Variants in ATP10B observed in about 807,000 individuals in gnomAD.
The protein encoded by ATP10B is phospholipid-transporting ATPase VB.
Under a neutral mutation model 141.2 loss-of-function variants are expected in ATP10B, and 122 were observed. The ratio of observed to expected loss-of-function variants is 0.86; its 90% CI spans 0.75 to 1.00. The LOEUF (loss-of-function observed/expected upper bound fraction) is 1.00. Ranked by LOEUF, ATP10B falls within the 50% of genes least tolerant of loss-of-function variation. The probability of loss-of-function intolerance (pLI) is 0.00; values close to 1 mark genes in which losing one functional copy is unlikely to be tolerated. For missense variants in ATP10B, 1,876 were observed against 1,825.3 expected, an observed-to-expected ratio of 1.03 and a Z score of -0.51; for synonymous variants, 685 against 692.0, an observed-to-expected ratio of 0.99 and a Z score of 0.16.
chr5:160,727,110 G>C (rs1396058246), intron 2 of ATP10B, among the ~76,000 whole-genome samples: 2 of 152,200 alleles, frequency 1.3e-5, no homozygotes, highest in African/African-American at 4.8e-5. Context: ...CTGTGTCACG[G>C]ATGGGTCCTC....
chr5:160,629,329 T>C (rs1286826191), intron 13 of ATP10B, among the ~76,000 whole-genome samples: 1 of 151,758 alleles, frequency 6.6e-6, no homozygotes, highest in Non-Finnish European at 1.5e-5. Context: ...AGCACAAGAG[T>C]CCTTAAAGGC....
chr5:160,726,339 A>C (rs944554929), intron 2 of ATP10B, among the ~76,000 whole-genome samples: 17 of 152,208 alleles, frequency 1.1e-4, no homozygotes, highest in African/African-American at 4.1e-4. Context: ...AAGGTGAAAC[A>C]GGCCCAGGCA....
intron 18 of ATP10B, among the ~76,000 whole-genome samples, chr5:160,608,097 G>A (rs2127633227): frequency 6.6e-6 from 1 of 150,942 alleles, no homozygotes; most frequent in East Asian, 2.0e-4. Context: ...CCCCACGACA[G>A]GCCCCGGTGT....
chr5:160,923,668 A>C, the ATP10B span, among the ~76,000 whole-genome samples: 1 of 152,202 alleles, frequency 6.6e-6, no homozygotes, highest in African/African-American at 2.4e-5. Flanking sequence ...AGCTTGCATA[A>C]ATACCACTTA....
the ATP10B span, among the ~76,000 whole-genome samples, chr5:160,865,497 T>C: frequency 6.6e-6 from 1 of 152,116 alleles, no homozygotes; most frequent in Non-Finnish European, 1.5e-5. Flanking sequence ...GAAAATCTCT[T>C]CTAGACATTG....
At chr5:160,701,473 A>G (rs1412653466) in intron 3 of ATP10B, among the ~76,000 whole-genome samples, 5 of 152,184 alleles carry the variant, frequency 3.3e-5, no homozygotes, top group African/African-American at 1.2e-4. Context: ...TGTGTGCTCC[A>G]CAGTACTCTT....
chr5:160,622,372 C>G (rs766010019), intron 14 of ATP10B, 22 bp downstream of exon 14: 1 of 1,595,526 alleles, frequency 6.3e-7, no homozygotes, highest in East Asian at 2.3e-5. Flanking sequence ...ACCCTCCTCC[C>G]CCAGCCATCG....
chr5:160,646,736 G>A (rs1324268105), intron 8 of ATP10B, among the ~76,000 whole-genome samples: 2 of 152,184 alleles, frequency 1.3e-5, no homozygotes, highest in Admixed American at 1.3e-4. Context: ...GCATATGAGA[G>A]AGGCTTCTAC....
At chr5:160,718,391 C>G (rs1765782025) in intron 2 of ATP10B, among the ~76,000 whole-genome samples, 1 of 152,154 alleles carries the variant, frequency 6.6e-6, no homozygotes, top group African/African-American at 2.4e-5. Flanking sequence ...GGATTCCAAC[C>G]TGGAACATTA....
At chr5:160,589,784 G>A (rs912750058) in intron 23 of ATP10B, 88 bp from the exon 24 acceptor site, 2 of 969,566 alleles carry the variant, frequency 2.1e-6, no homozygotes, top group Non-Finnish European at 3.3e-6. Flanking sequence ...ATCAATGAAG[G>A]CAGTTGTCAA....
At chr5:160,746,428 A>G (rs375885541) in intron 2 of ATP10B, among the ~76,000 whole-genome samples, 72 of 147,052 alleles carry the variant, frequency 4.9e-4, no homozygotes, top group African/African-American at 1.8e-3. Context: ...GTCTTGCTCT[A>G]TTGCCCAGGC....
chr5:160,926,468 G>A, the ATP10B span, among the ~76,000 whole-genome samples: 1 of 152,164 alleles, frequency 6.6e-6, no homozygotes, highest in African/African-American at 2.4e-5. Flanking sequence ...CTAGCGCAGG[G>A]AAATAGAACA....
At chr5:160,780,706 A>C (rs958663039) in intron 2 of ATP10B, among the ~76,000 whole-genome samples, 2 of 152,170 alleles carry the variant, frequency 1.3e-5, no homozygotes, top group Non-Finnish European at 2.9e-5. Context: ...AGATACTTTT[A>C]GATTCCAGCA....
chr5:160,652,338 C>T (rs773777259), intron 7 of ATP10B, among the ~76,000 whole-genome samples: 1 of 151,990 alleles, frequency 6.6e-6, no homozygotes, highest in Non-Finnish European at 1.5e-5. Flanking sequence ...GCCCTGCTTG[C>T]TTTTAAGAAT....
intron 3 of ATP10B, among the ~76,000 whole-genome samples, chr5:160,695,517 TGTG>T: frequency 1.3e-5 from 2 of 151,258 alleles, no homozygotes; most frequent in African/African-American, 4.9e-5. Context: ...TGTGTGTGTG[TGTG>T]TATGTGCTGT....
chr5:160,744,795 C>T (rs1481418633), intron 2 of ATP10B, among the ~76,000 whole-genome samples: 1 of 152,072 alleles, frequency 6.6e-6, no homozygotes, highest in Non-Finnish European at 1.5e-5. Context: ...GTTAAGTCTC[C>T]GTAGATAGTA....
At chr5:160,915,443 T>C in the ATP10B span, among the ~76,000 whole-genome samples, 1 of 152,116 alleles carries the variant, frequency 6.6e-6, no homozygotes, top group Non-Finnish European at 1.5e-5. Context: ...GTGATTCTCC[T>C]GTCTCAGCCT....
At chr5:160,597,942 G>A (rs1054063914) in intron 22 of ATP10B, among the ~76,000 whole-genome samples, 1 of 149,834 alleles carries the variant, frequency 6.7e-6, no homozygotes, top group Non-Finnish European at 1.5e-5. Context: ...TTACACTGTT[G>A]GTGGGACTGT....
At chr5:160,596,858 A>G (rs563135832) in intron 22 of ATP10B, among the ~76,000 whole-genome samples, 102 of 152,178 alleles carry the variant, frequency 6.7e-4, no homozygotes, top group African/African-American at 2.4e-3. Flanking sequence ...ACCTCTTCAA[A>G]GAGAACTACA....
Sources: gnomAD v4.1 joint callset for allele counts (sites outside exome capture counted in the v4.1 genomes callset) on GRCh38, gnomAD v4.1.1 for gene constraint, MANE v1.5 for transcripts, NCBI Gene and HGNC (gene_info 2026-07-23, HGNC 2026-07-21) for gene names.